Variants in SUMF1 observed in about 807,000 individuals in gnomAD.
SUMF1 encodes the protein sulfatase modifying factor 1.
A neutral mutation model predicts 47.6 loss-of-function variants in SUMF1; 48 were observed. The ratio of observed to expected loss-of-function variants is 1.01; its 90% CI spans 0.80 to 1.28. SUMF1 has a LOEUF of 1.28. Ranked by LOEUF, SUMF1 falls within the 50% of genes most tolerant of loss-of-function variation. The probability of loss-of-function intolerance (pLI) is 0.00; values close to 1 mark genes in which losing one functional copy is unlikely to be tolerated. For missense variants in SUMF1, 571 were observed against 485.4 expected, an observed-to-expected ratio of 1.18 and a Z score of -1.66; for synonymous variants, 230 against 192.1, an observed-to-expected ratio of 1.20 and a Z score of -1.63.
chr3:4,463,295 T>C (rs1297587125), intron 1 of SUMF1, among the ~76,000 whole-genome samples: 1 of 152,046 alleles, frequency 6.6e-6, no homozygotes, highest in Non-Finnish European at 1.5e-5. Context: ...ATCGAGACAA[T>C]CCTGGCCAAC....
chr3:4,375,952 C>G (rs1700313741), intron 8 of SUMF1, among the ~76,000 whole-genome samples: 1 of 152,180 alleles, frequency 6.6e-6, no homozygotes, highest in Non-Finnish European at 1.5e-5. Context: ...TAACTCTCAC[C>G]TGAATCTCAA....
chr3:4,193,583 T>A (rs1027422974), intron 8 of SUMF1, among the ~76,000 whole-genome samples: 1 of 152,048 alleles, frequency 6.6e-6, no homozygotes, highest in African/African-American at 2.4e-5. Flanking sequence ...AGCATTATGG[T>A]AATAAAAATA....
intron 8 of SUMF1, among the ~76,000 whole-genome samples, chr3:4,089,624 C>T (rs1272923350): frequency 6.6e-6 from 1 of 151,996 alleles, no homozygotes; most frequent in Non-Finnish European, 1.5e-5. Context: ...AATTGCAGAA[C>T]AAGGGAAGAA....
chr3:4,325,567 A>G (rs200196053), intron 8 of SUMF1, among the ~76,000 whole-genome samples: 32,424 of 150,900 alleles, frequency 0.21, 4,394 homozygotes, highest in African/African-American at 0.39. Context: ...GTGTGTGTAT[A>G]TATATATATA....
intron 8 of SUMF1, among the ~76,000 whole-genome samples, chr3:4,302,671 G>A (rs1198068820): frequency 1.3e-5 from 2 of 152,094 alleles, no homozygotes; most frequent in Non-Finnish European, 2.9e-5. Context: ...ATGGTTTGGA[G>A]GATTGGAATT....
chr3:4,034,928 A>AAT (rs996559810), intron 9 of SUMF1, among the ~76,000 whole-genome samples: 21 of 151,548 alleles, frequency 1.4e-4, no homozygotes, highest in Non-Finnish European at 2.5e-4. Context: ...AAGATTGGGG[A>AAT]ATAGTAAGTT....
intron 8 of SUMF1, among the ~76,000 whole-genome samples, chr3:4,239,702 C>A (rs1196057018): frequency 6.6e-6 from 1 of 152,142 alleles, no homozygotes; most frequent in Non-Finnish European, 1.5e-5. Flanking sequence ...AATATACAAT[C>A]ATATCATCTG....
intron 8 of SUMF1, among the ~76,000 whole-genome samples, chr3:4,230,763 T>C (rs1020797397): frequency 1.3e-5 from 2 of 152,100 alleles, no homozygotes; most frequent in Non-Finnish European, 2.9e-5. Flanking sequence ...CCAGCCCCCA[T>C]TCTGAAGCTG....
rs538869362 is a variant in SUMF1, at chr3:4,108,064, G to C, written c.1015-39319C>G. On this transcript the variant is annotated intron_variant and NMD_transcript_variant, in intron 8 of 12. Transcript: ENST00000448413. ...ATAAACTATAGTATATCGAAGGCTA[G>C]AACAGTGTTTTTCAAACTGTAGGTT... 2.2e-4 allele frequency among the ~76,000 whole-genome samples: 33 copies of C among 152,234 alleles called. 1 individual carries two copies. The South Asian group carries it at 6.9e-3, about 32-fold the overall frequency.
chr3:4,164,599 T>A (rs1694656733), intron 8 of SUMF1, among the ~76,000 whole-genome samples: 2 of 152,188 alleles, frequency 1.3e-5, no homozygotes. Context: ...CTGCTCCATT[T>A]TCTGTCCTCT....
Position 4,327,760 on chromosome 3 carries a change from C to A in SUMF1, c.1014+48570G>T, listed in dbSNP as rs781423034. ...CTTTGGACTTAAGGGGACCTAATAT[C>A]TAAAAAAGTTAATGAGATAAAAAAG... is the stretch of plus-strand genomic sequence containing the variant. On this transcript the variant is annotated intron_variant and NMD_transcript_variant, in intron 8 of 12. Transcript: ENST00000448413. Among the ~76,000 whole-genome samples the A allele has an allele frequency of 2.0e-5, 3 of 151,840 alleles. 1 individual carries two copies. The highest frequency in any genetic ancestry group is 3.9e-4 in the East Asian group (2 of 5,186).
intron 8 of SUMF1, among the ~76,000 whole-genome samples, chr3:4,125,140 T>C (rs1693627563): frequency 6.6e-6 from 1 of 152,170 alleles, no homozygotes; most frequent in African/African-American, 2.4e-5. Context: ...TAAAAATTTG[T>C]AGATAGCATA....
intron 8 of SUMF1, among the ~76,000 whole-genome samples, chr3:4,227,306 C>T (rs913226404): frequency 2.0e-5 from 3 of 152,176 alleles, no homozygotes; most frequent in Non-Finnish European, 4.4e-5. Context: ...GCCATGAACA[C>T]TGCAGAATGG....
intron 8 of SUMF1, among the ~76,000 whole-genome samples, chr3:4,288,841 G>C (rs913316278): frequency 1.3e-5 from 2 of 151,708 alleles, no homozygotes; most frequent in African/African-American, 4.8e-5. Context: ...GCCCTCCATT[G>C]TTTCTAAATA....
chr3:4,216,700 A>G (rs1181314962), intron 8 of SUMF1, among the ~76,000 whole-genome samples: 1 of 152,220 alleles, frequency 6.6e-6, no homozygotes, highest in Non-Finnish European at 1.5e-5. Context: ...AAAAGTGGGC[A>G]AAGGATATGA....
At chr3:4,424,593 C>G (rs1457077481) in intron 3 of SUMF1, among the ~76,000 whole-genome samples, 4 of 25,064 alleles carry the variant, frequency 1.6e-4, no homozygotes, top group East Asian at 0.036. Flanking sequence ...TAGTTTCTAA[C>G]TTAAAATTAC....
At chr3:4,170,370 A>G (rs1246804758) in intron 8 of SUMF1, among the ~76,000 whole-genome samples, 4 of 152,170 alleles carry the variant, frequency 2.6e-5, no homozygotes, top group African/African-American at 7.2e-5. Flanking sequence ...GACTAAAAAT[A>G]TCTGGGGGTA....
chr3:4,190,325 T>G (rs942305444), intron 8 of SUMF1, among the ~76,000 whole-genome samples: 1 of 152,124 alleles, frequency 6.6e-6, no homozygotes, highest in African/African-American at 2.4e-5. Flanking sequence ...GAACTGTGTG[T>G]TGGCGACAGC....
chr3:4,136,190 A>G (rs1473930050), intron 8 of SUMF1, among the ~76,000 whole-genome samples: 2 of 152,192 alleles, frequency 1.3e-5, no homozygotes, highest in Non-Finnish European at 2.9e-5. Context: ...CCAAAAGAAC[A>G]AAGCTGGAGG....
Sources: gnomAD v4.1 joint callset for allele counts (sites outside exome capture counted in the v4.1 genomes callset) on GRCh38, gnomAD v4.1.1 for gene constraint, MANE v1.5 for transcripts, NCBI Gene and HGNC (gene_info 2026-07-23, HGNC 2026-07-21) for gene names.